The following CTNNA3 variants were observed in gnomAD, a reference collection of about 807,000 sequenced individuals.
CTNNA3 encodes catenin alpha-3.
CTNNA3 carries 76 observed loss-of-function variants against 95.7 expected under a neutral mutation model. The ratio of observed to expected loss-of-function variants is 0.79; its 90% CI spans 0.66 to 0.96. CTNNA3 has a LOEUF of 0.96. Among genes scored for constraint, CTNNA3 ranks in the 40% least tolerant of loss-of-function variants. The pLI is 0.00. For missense variants in CTNNA3, 1,191 were observed against 1,089.8 expected, an observed-to-expected ratio of 1.09 and a Z score of -1.31; for synonymous variants, 431 against 374.4, an observed-to-expected ratio of 1.15 and a Z score of -1.74.
intron 1 of CTNNA3, among the ~76,000 whole-genome samples, chr10:67,681,757 C>T (rs970036336): frequency 6.6e-6 from 1 of 151,750 alleles, no homozygotes; most frequent in Non-Finnish European, 1.5e-5. Context: ...CTATATAATT[C>T]AAAAATAAAA....
intron 4 of CTNNA3, among the ~76,000 whole-genome samples, chr10:67,530,779 C>A (rs1909661): frequency 0.4 from 60,409 of 152,070 alleles, 15,333 homozygotes; most frequent in African/African-American, 0.69. Flanking sequence ...AGAGGACTTC[C>A]CAGCAGCCCC....
intron 7 of CTNNA3, among the ~76,000 whole-genome samples, chr10:67,142,452 G>A (rs1236379891): frequency 6.6e-6 from 1 of 151,986 alleles, no homozygotes; most frequent in African/African-American, 2.4e-5. Flanking sequence ...AAAAATACAG[G>A]CATTCCTCAG....
intron 6 of CTNNA3, among the ~76,000 whole-genome samples, chr10:67,204,514 A>T (rs2132221266): frequency 6.6e-6 from 1 of 152,224 alleles, no homozygotes. Context: ...AGCCAATTAA[A>T]CCTGTTTTCT....
chr10:67,152,409 T>C (rs10997533), intron 7 of CTNNA3, among the ~76,000 whole-genome samples: 96,223 of 152,142 alleles, frequency 0.63, 31,650 homozygotes, highest in African/African-American at 0.82. Context: ...GATAACACCA[T>C]TGATAGAAAT....
At chr10:66,502,232 T>C (rs754534696) in intron 11 of CTNNA3, among the ~76,000 whole-genome samples, 6 of 152,192 alleles carry the variant, frequency 3.9e-5, no homozygotes, top group Non-Finnish European at 5.9e-5. Context: ...GAATATAGGA[T>C]AATCACAATT....
In CTNNA3 at chr10:67,283,456, G is replaced by A. The variant is rs530618541; in HGVS notation, c.580-63586C>T. ...AGTTGGTAAGGAAAAAACATCTCAA[G>A]TGACTATGTGTACAACTTCAGTAAA... On this transcript the variant is annotated intron_variant, in intron 5 of 17. Coordinates refer to ENST00000433211, the MANE Select transcript of CTNNA3 (RefSeq NM_013266.4). Among the ~76,000 whole-genome samples, 65 of 152,210 alleles carry A rather than the reference G, an allele frequency of 4.3e-4. 1 individual carries two copies. Among genetic ancestry groups the A allele is most frequent in the African/African-American group, 1.4e-3 (59 of 41,532 alleles).
rs569061862 is a variant in CTNNA3 at position 67,357,984 on chromosome 10, A to C, written c.580-138114T>G. Among the ~76,000 whole-genome samples the C allele has an allele frequency of 3.9e-5, 6 of 152,260 alleles. No homozygotes were observed. The South Asian group carries it at 1.2e-3, about 32-fold the overall frequency. On this transcript the variant is annotated intron_variant, in intron 5 of 17. Coordinates refer to ENST00000433211, the MANE Select transcript of CTNNA3 (RefSeq NM_013266.4). ...ATACAGAGTCCAGAAATAAACCTGG[A>C]TATATATGAATAATTAATTTTCAAC...
intron 12 of CTNNA3, among the ~76,000 whole-genome samples, chr10:66,337,300 A>G (rs2092407863): frequency 6.6e-6 from 1 of 152,132 alleles, no homozygotes. Context: ...TCCTGAGACC[A>G]AAGAGTCTTA....
At chr10:66,273,936 G>A (rs893365165) in intron 13 of CTNNA3, among the ~76,000 whole-genome samples, 7 of 152,006 alleles carry the variant, frequency 4.6e-5, no homozygotes, top group South Asian at 2.1e-4. Context: ...CTAGGTGGTC[G>A]TGTAGCTCCA....
chr10:67,271,302 C>G (rs1427253563), intron 5 of CTNNA3, among the ~76,000 whole-genome samples: 4 of 152,100 alleles, frequency 2.6e-5, no homozygotes, highest in Admixed American at 2.6e-4. Context: ...GGGGTGGTTC[C>G]CCCATGCTGT....
intron 3 of CTNNA3, among the ~76,000 whole-genome samples, chr10:67,556,886 G>A (rs1841278891): frequency 6.6e-6 from 1 of 151,974 alleles, no homozygotes; most frequent in Non-Finnish European, 1.5e-5. Flanking sequence ...TCTCTTGTGG[G>A]CATTTAGTGC....
rs527897779 is a variant in CTNNA3, at chr10:67,232,639, G to A, written c.580-12769C>T. Among the ~76,000 whole-genome samples, 489 of 150,870 alleles carry A rather than the reference G, an allele frequency of 3.2e-3. 4 individuals are homozygous for A. Among genetic ancestry groups the A allele is most frequent in the African/African-American group, 0.011 (442 of 41,046 alleles). ...ATAACCAGCTAACATCATAATGACAGGATCAAATTCACACATAACAATATT... is the reference window on the plus strand; with the variant it reads ...ATAACCAGCTAACATCATAATGACAAGATCAAATTCACACATAACAATATT... On this transcript the variant is annotated intron_variant, in intron 5 of 17. Transcript: ENST00000433211.
At chr10:67,340,303 T>G (rs1842139595) in intron 5 of CTNNA3, among the ~76,000 whole-genome samples, 1 of 151,950 alleles carries the variant, frequency 6.6e-6, no homozygotes, top group Non-Finnish European at 1.5e-5. Context: ...GTAAGAAAAA[T>G]AATGTTAAAA....
chr10:67,112,494 C>G (rs1858955570), intron 7 of CTNNA3, among the ~76,000 whole-genome samples: 1 of 152,018 alleles, frequency 6.6e-6, no homozygotes, highest in Admixed American at 6.6e-5. Context: ...TCAAGTTTAC[C>G]TTGTTTTCCT....
rs917726275 is a variant in CTNNA3, at chr10:66,947,135, T to C, written c.1048-171611A>G. On this transcript the variant is annotated intron_variant, in intron 7 of 17. Transcript: ENST00000433211. ...AAAGCCAGCCCTACTCTAATGATTG[T>C]ATTAGAAAAAACTTGCATAAACTAC... Among the ~76,000 whole-genome samples the C allele has an allele frequency of 3.3e-5, 5 of 152,020 alleles. No homozygotes were observed. In the South Asian group the frequency reaches 1.0e-3, roughly 32 times the overall value.
intron 10 of CTNNA3, among the ~76,000 whole-genome samples, chr10:66,553,321 C>T (rs1176603191): frequency 2.6e-5 from 4 of 151,128 alleles, no homozygotes; most frequent in African/African-American, 7.4e-5. Flanking sequence ...TTGGCATACA[C>T]TTTATACTCT....
At chr10:66,658,000 T>C (rs1846126189) in intron 9 of CTNNA3, among the ~76,000 whole-genome samples, 1 of 152,200 alleles carries the variant, frequency 6.6e-6, no homozygotes, top group Non-Finnish European at 1.5e-5. Flanking sequence ...GTAGCTATAG[T>C]GTAAAACAAA....
intron 3 of CTNNA3, among the ~76,000 whole-genome samples, chr10:67,598,949 GA>G (rs910924960): frequency 6.6e-6 from 1 of 151,538 alleles, no homozygotes; most frequent in African/African-American, 2.4e-5. Flanking sequence ...TACTCATAAG[GA>G]AAAAAAATAA....
At chr10:67,014,419 A>G (rs997797929) in intron 7 of CTNNA3, among the ~76,000 whole-genome samples, 1 of 152,170 alleles carries the variant, frequency 6.6e-6, no homozygotes, top group Non-Finnish European at 1.5e-5. Context: ...TATATAACTT[A>G]AGAAATATCT....
Sources: gnomAD v4.1 joint callset for allele counts (sites outside exome capture counted in the v4.1 genomes callset) on GRCh38, gnomAD v4.1.1 for gene constraint, MANE v1.5 for transcripts, NCBI Gene and HGNC (gene_info 2026-07-23, HGNC 2026-07-21) for gene names.